Variants in TOP6BL observed in about 807,000 individuals in gnomAD.
TOP6BL encodes type 2 DNA topoisomerase 6 subunit B-like.
chr11:66,788,038 T>G, the TOP6BL span: 1 of 616,570 alleles, frequency 1.6e-6, no homozygotes, highest in Non-Finnish European at 2.9e-6. Flanking sequence ...TTTTAAATCT[T>G]GTAGATAATC....
chr11:66,829,315 C>T, the TOP6BL span, among the ~76,000 whole-genome samples: 3 of 151,852 alleles, frequency 2.0e-5, no homozygotes, highest in Non-Finnish European at 4.4e-5. Flanking sequence ...GGTGGCTACG[C>T]CTGTAATCCC....
chr11:66,805,903 A>C, the TOP6BL span, among the ~76,000 whole-genome samples: 1 of 152,230 alleles, frequency 6.6e-6, no homozygotes, highest in African/African-American at 2.4e-5. Context: ...CAATAAAGCT[A>C]TTTAAAAATA....
the TOP6BL span, chr11:66,828,904 C>T: frequency 6.6e-6 from 1 of 151,904 alleles, no homozygotes; most frequent in Admixed American, 6.6e-5. Flanking sequence ...AGGGTAAAGA[C>T]CCCAACTAAG....
chr11:66,772,695 G>A, the TOP6BL span, among the ~76,000 whole-genome samples: 17 of 151,182 alleles, frequency 1.1e-4, no homozygotes, highest in African/African-American at 4.1e-4. Flanking sequence ...AGCTGAACCT[G>A]GAAGGTGGAG....
At chr11:66,778,396 G>A in the TOP6BL span, among the ~76,000 whole-genome samples, 1 of 152,100 alleles carries the variant, frequency 6.6e-6, no homozygotes, top group South Asian at 2.1e-4. Flanking sequence ...AGCCCAAGAG[G>A]TCAAGGCTAC....
At chr11:66,807,919 A>G in the TOP6BL span, among the ~76,000 whole-genome samples, 4 of 152,228 alleles carry the variant, frequency 2.6e-5, no homozygotes, top group Admixed American at 2.0e-4. Context: ...CATGGACTGT[A>G]TATGCTTTTT....
the TOP6BL span, among the ~76,000 whole-genome samples, chr11:66,809,262 G>A: frequency 6.6e-6 from 1 of 152,170 alleles, no homozygotes; most frequent in Admixed American, 6.5e-5. Context: ...AATCAGTCAG[G>A]AGGACAAATC....
chr11:66,811,279 C>G, the TOP6BL span, among the ~76,000 whole-genome samples: 1 of 152,072 alleles, frequency 6.6e-6, no homozygotes, highest in Non-Finnish European at 1.5e-5. Context: ...TCAATCAGGC[C>G]CCTGAAATGA....
At chr11:66,825,904 C>G in the TOP6BL span, among the ~76,000 whole-genome samples, 2 of 151,464 alleles carry the variant, frequency 1.3e-5, no homozygotes, top group Non-Finnish European at 2.9e-5. Flanking sequence ...TGCAGTGGCG[C>G]GATCTCAGCT....
chr11:66,745,794 GT>G, the TOP6BL span, among the ~76,000 whole-genome samples: 3 of 13,532 alleles, frequency 2.2e-4, no homozygotes, highest in Non-Finnish European at 2.3e-3. Context: ...TATCTTTAGG[GT>G]TTGTTTGTTT....
the TOP6BL span, chr11:66,843,166 C>T: frequency 1.2e-5 from 20 of 1,611,300 alleles, no homozygotes; most frequent in South Asian, 1.5e-4. Context: ...CTTGTTCCCG[C>T]AGGACGTGCT....
chr11:66,788,375 A>C, the TOP6BL span: 1 of 868,076 alleles, frequency 1.2e-6, no homozygotes, highest in South Asian at 1.8e-5. Flanking sequence ...TCCAAGCTGG[A>C]ATGAAATAAG....
the TOP6BL span, chr11:66,828,183 C>T: frequency 2.3e-6 from 2 of 881,178 alleles, no homozygotes; most frequent in South Asian, 1.5e-5. Context: ...CTCCTCATCT[C>T]CCTGTATAAA....
the TOP6BL span, among the ~76,000 whole-genome samples, chr11:66,816,911 T>C: frequency 6.6e-6 from 1 of 152,060 alleles, no homozygotes; most frequent in Non-Finnish European, 1.5e-5. Context: ...CTCAGCACTT[T>C]GGGAGGTTGA....
chr11:66,759,009 T>C, the TOP6BL span: 3 of 1,477,970 alleles, frequency 2.0e-6, no homozygotes, highest in Non-Finnish European at 2.8e-6. Context: ...CATTTACTTA[T>C]TTGTGATATT....
chr11:66,768,668 G>GTTT, the TOP6BL span, among the ~76,000 whole-genome samples: 2 of 115,466 alleles, frequency 1.7e-5, no homozygotes, highest in East Asian at 2.7e-4. Context: ...TTTGTTTTTT[G>GTTT]TTTTTTTTTT....
the TOP6BL span, among the ~76,000 whole-genome samples, chr11:66,811,231 G>A: frequency 6.6e-6 from 1 of 152,068 alleles, no homozygotes; most frequent in Non-Finnish European, 1.5e-5. Context: ...GCAGTGGTGT[G>A]ATCTCAGCTT....
At chr11:66,800,990 A>G in the TOP6BL span, 1 of 1,599,906 alleles carries the variant, frequency 6.3e-7, no homozygotes, top group South Asian at 1.1e-5. Flanking sequence ...GATTGATTTT[A>G]GAATCTTTGA....
At chr11:66,807,307 C>G in the TOP6BL span, among the ~76,000 whole-genome samples, 1 of 152,164 alleles carries the variant, frequency 6.6e-6, no homozygotes. Flanking sequence ...TGTGGTGGCT[C>G]ACGCCTGTAA....
Sources: gnomAD v4.1 joint callset for allele counts (sites outside exome capture counted in the v4.1 genomes callset) on GRCh38, gnomAD v4.1.1 for gene constraint, MANE v1.5 for transcripts, NCBI Gene and HGNC (gene_info 2026-07-23, HGNC 2026-07-21) for gene names.